MROH6: variants seen among roughly 807,000 people sequenced by gnomAD.
The protein encoded by MROH6 is maestro heat-like repeat-containing protein family member 6.
A neutral mutation model predicts 67.7 loss-of-function variants in MROH6; 62 were observed. The observed-to-expected ratio is 0.92, with a 90% confidence interval of 0.75 to 1.13. The LOEUF is 1.13. Among genes scored for constraint, MROH6 ranks in the 50% most tolerant of loss-of-function variants. The pLI, the probability that MROH6 is intolerant of heterozygous loss-of-function variation, is 0.00. For synonymous variants in MROH6, 566 were observed against 470.8 expected (o/e 1.20, Z -2.62); for missense variants, 1,175 against 1,029.1 (o/e 1.14, Z -1.94).
At position 143,571,699 on chromosome 8, in the gene MROH6, A is replaced by G; in HGVS notation, c.570T>C (p.Cys190=). ...CGGGCAGAGAGCGGGGTAGCAGCGC[A>G]CACACCACGTCCCGCGCATGCTCCA... ...LALEHARDVV[C]ALLPRSLPAD... The change falls in exon 3 of 14, where the codon TGT becomes TGC. Residue 190 remains cysteine (C), a synonymous_variant. Transcript: ENST00000398882. The G allele has an allele frequency of 1.3e-5, 20 of 1,552,258 alleles. No individual in the cohort carries two copies. The highest frequency in any genetic ancestry group is 1.7e-5 in the Non-Finnish European group (20 of 1,148,844).
intron 12 of MROH6, 31 bp downstream of exon 12, chr8:143,567,755 C>G (rs574434673): frequency 1.9e-6 from 3 of 1,570,258 alleles, no homozygotes; most frequent in Middle Eastern, 3.4e-4. Flanking sequence ...AGCCCCGGTG[C>G]CAGGGGCAGT....
chr8:143,572,334 C>G, intron 1 of MROH6, 87 bp downstream of exon 1: 1 of 1,481,560 alleles, frequency 6.7e-7, no homozygotes, highest in Non-Finnish European at 9.0e-7. Context: ...CCGGGGCCAG[C>G]ACCGCCCCCC....
At chr8:143,568,100 C>T (rs750061638) in intron 11 of MROH6, 42 bp downstream of exon 11, 8 of 1,558,706 alleles carry the variant, frequency 5.1e-6, no homozygotes, top group Non-Finnish European at 6.1e-6. Context: ...AAGTGGGCTG[C>T]TGATCATACC....
chr8:143,572,364 T>A (rs1030204878), intron 1 of MROH6, 57 bp downstream of exon 1: 12 of 1,466,034 alleles, frequency 8.2e-6, no homozygotes, highest in Non-Finnish European at 1.1e-5. Context: ...GCCTTCCACC[T>A]ACCATCCACA....
chr8:143,572,298 A>G, intron 1 of MROH6, 113 bp from the exon 2 acceptor site: 1 of 1,520,524 alleles, frequency 6.6e-7, no homozygotes, highest in Non-Finnish European at 8.9e-7. Context: ...TCTGTTGCTC[A>G]CCAGCCTGTT....
chr8:143,570,449 AC>A (rs773439504), intron 5 of MROH6, 23 bp downstream of exon 5: 1 of 1,326,652 alleles, frequency 7.5e-7, no homozygotes, highest in South Asian at 1.6e-5. Context: ...GGCCCGCCCC[AC>A]GTAACCTGGT....
chr8:143,567,847 C>T lies in MROH6; in HGVS notation c.1806G>A (p.Gln602=), dbSNP rs752585635. The change falls in exon 12 of 14, where the codon CAG becomes CAA. Residue 602 remains glutamine (Q), a synonymous_variant. Coordinates refer to ENST00000398882, the MANE Select transcript of MROH6 (RefSeq NM_001100878.2). ...YPGHVPNFLS[Q]TQGYLRSPQD... ...GTGGACTCCGCAGGTAGCCCTGGGT[C>T]TGGCTCAGGAAGTTGGGCACGTGGC... 13 of 1,531,418 alleles carry T rather than the reference C, an allele frequency of 8.5e-6. No homozygotes were observed. The South Asian group carries it at 1.7e-4, about 20-fold the overall frequency. The allele number at this position is 1,531,418 out of a possible 1,614,324, so 94.9% of individuals were successfully genotyped here.
In MROH6 at chr8:143,571,814, G is replaced by A; in HGVS notation, c.455C>T (p.Ala152Val). Residue 152 changes from alanine to valine, a missense_variant, in exon 3 of 14, where the codon GCT becomes GTT. Coordinates refer to ENST00000398882, the MANE Select transcript of MROH6 (RefSeq NM_001100878.2). ...CTGCGCCAGCAGCCCACGCACCAGA[G>A]CATGCACCTGGTGGGGAAGGGGGCA... ...RGERLEDQVH[A>V]LVRGLLAQVP... The A allele has an allele frequency of 6.5e-7, 1 of 1,543,590 alleles. No homozygotes were observed. The highest frequency in any genetic ancestry group is 8.7e-7 in the Non-Finnish European group (1 of 1,145,404).
In MROH6 at chr8:143,570,907, AC is replaced by A. The variant is rs1385880909; in HGVS notation, c.689del (p.Gly230ValfsTer79). 2.0e-6 allele frequency: 3 copies of A among 1,501,318 alleles called. No homozygotes were observed. The highest frequency in any genetic ancestry group is 2.4e-5 in the South Asian group (2 of 82,904). 93.0% of individuals were successfully genotyped at this position (1,501,318 alleles called of 1,614,324 possible). A position where few individuals can be genotyped will look rare whatever the true frequency, so the allele number is the denominator to read the frequency against. ...VLVQLLWALK[G>X]ASGPEPQALA... The stretch of plus-strand genomic sequence containing the variant: ...GTGCCTGGGGCTCCGGCCCCGAAGC[AC>A]CCTTCAGCGCCCACAGCAGTTGCAC... On this transcript the variant is annotated frameshift_variant, in exon 4 of 14. Coordinates refer to ENST00000398882, the MANE Select transcript of MROH6 (RefSeq NM_001100878.2). LOFTEE classifies it high-confidence loss of function.
At chr8:143,567,765 T>A (rs775425634) in intron 12 of MROH6, 21 bp downstream of exon 12, 4 of 1,567,966 alleles carry the variant, frequency 2.6e-6, no homozygotes, top group Non-Finnish European at 3.5e-6. Flanking sequence ...CCAGGGGCAG[T>A]GTGACCCCGG....
In MROH6 at chr8:143,567,106, G is replaced by T. The variant is rs1823651649; in HGVS notation, c.*133C>A. The T allele has an allele frequency of 4.8e-6, 2 of 419,238 alleles. No individual in the cohort carries two copies. The highest frequency in any genetic ancestry group is 7.8e-6 in the Non-Finnish European group (2 of 255,728). 26.0% of individuals were successfully genotyped at this position (419,238 alleles called of 1,614,324 possible). ...GGTGGGTGCCTGAAGAGGGGTCACGGGGGTGGGGGGTGGGGGAGGGCATTG... is the reference window on the plus strand; with the variant it reads ...GGTGGGTGCCTGAAGAGGGGTCACGTGGGTGGGGGGTGGGGGAGGGCATTG... On this transcript the variant is annotated 3_prime_UTR_variant, in exon 14 of 14. Coordinates refer to ENST00000398882, the MANE Select transcript of MROH6 (RefSeq NM_001100878.2).
rs113705108 is a variant in MROH6 at position 143,569,979 on chromosome 8, C to G, written c.1130G>C (p.Arg377Pro). The change falls in exon 7 of 14, where the codon CGT becomes CCT. Residue 377 changes from arginine (R) to proline (P), a missense_variant. Coordinates refer to ENST00000398882, the MANE Select transcript of MROH6 (RefSeq NM_001100878.2). Reference sequence around the variant, plus strand: ...TGTGAAGAAGGCCATAGCCGTGAGACGCTGCGGGTCGTCCGCGCTGCGAAG... The same window carrying G: ...TGTGAAGAAGGCCATAGCCGTGAGAGGCTGCGGGTCGTCCGCGCTGCGAAG... ...PRLRSADDPQRLTAMAFFTGL... is the reference protein window; with the variant it reads ...PRLRSADDPQPLTAMAFFTGL... 7.3e-5 allele frequency: 118 copies of G among 1,610,892 alleles called. No homozygotes were observed. The African/African-American group carries it at 1.5e-3, about 20-fold the overall frequency.
rs1314374993 is a variant in MROH6 at position 143,568,406 on chromosome 8, CA to C, written c.1644+145del. ...GGATTGATTCTGCTCAAGGGAAGAG[CA>C]GTAGTAACCTGGCCGCCCGTCACAC... is the stretch of plus-strand genomic sequence containing the variant. On this transcript the variant is annotated intron_variant, in intron 10 of 13. Transcript: ENST00000398882. 22 of 1,424,394 alleles carry C rather than the reference CA, an allele frequency of 1.5e-5. No homozygotes were observed. The Admixed American group carries it at 5.3e-4, about 35-fold the overall frequency. 88.2% of individuals were successfully genotyped at this position (1,424,394 alleles called of 1,614,324 possible).
rs761877337 is a variant in MROH6 at position 143,568,247 on chromosome 8, G to A, written c.1659C>T (p.Thr553=). ...SRDAAESSEW[T]LARCDHAFCW... is the part of the protein sequence containing the mutation. ...AAAAGGCGTGGTCACAGCGGGCCAG[G>A]GTCCACTCTGAGCTCTGGGATAGGG... The change falls in exon 11 of 14, where the codon ACC becomes ACT. Residue 553 remains threonine (T), a synonymous_variant. Transcript: ENST00000398882. 3.1e-6 allele frequency: 5 copies of A among 1,609,516 alleles called. No homozygotes were observed. The highest frequency in any genetic ancestry group is 4.2e-6 in the Non-Finnish European group (5 of 1,178,470).
rs1823656959 is a variant in MROH6, at chr8:143,567,193, G to T, written c.*46C>A. 9.1e-7 allele frequency: 1 copy of T among 1,096,630 alleles called. No homozygotes were observed. Among genetic ancestry groups the T allele is most frequent in the Non-Finnish European group, 1.2e-6 (1 of 868,212 alleles). The allele number at this position is 1,096,630 out of a possible 1,614,324, so 67.9% of individuals were successfully genotyped here. Reference sequence around the variant, plus strand: ...GGCGGGGACAGGCTGCTATGCGCGTGGGGTGCCCGAGTCGGACCCTGGCCC... The same window carrying T: ...GGCGGGGACAGGCTGCTATGCGCGTTGGGTGCCCGAGTCGGACCCTGGCCC... On this transcript the variant is annotated 3_prime_UTR_variant, in exon 14 of 14. Transcript: ENST00000398882.
At position 143,572,694 on chromosome 8, in the gene MROH6, G is replaced by T. The variant is rs764211139; in HGVS notation, c.21C>A (p.Gly7=). The part of the protein sequence containing the change: MAGGVW[G]RSRAREAPVG... ...CGGGAGCCTCCCGGGCCCGGCTCCG[G>T]CCCCACACACCCCCAGCCATGGCGG... is the stretch of plus-strand genomic sequence containing the variant. The change falls in exon 1 of 14, where the codon GGC becomes GGA. Residue 7 remains glycine (G), a synonymous_variant. Transcript: ENST00000398882. The T allele has an allele frequency of 1.4e-5, 21 of 1,506,840 alleles. No homozygotes were observed. In the South Asian group the frequency reaches 2.4e-4, roughly 17 times the overall value. The allele number at this position is 1,506,840 out of a possible 1,614,324, so 93.3% of individuals were successfully genotyped here. A position where few individuals can be genotyped will look rare whatever the true frequency, so the allele number is the denominator to read the frequency against.
rs1021332185 is a variant in MROH6 at position 143,569,318 on chromosome 8, C to G, written c.1476+123G>C. ...GGAGGGAGAGACTGGAAGGGCGGGG[C>G]GGGGCCTGAGAGGGCGGGGCCTGGG... is the stretch of plus-strand genomic sequence containing the variant. On this transcript the variant is annotated intron_variant, in intron 9 of 13. Transcript: ENST00000398882. 10 of 550,608 alleles carry G rather than the reference C, an allele frequency of 1.8e-5. No homozygotes were observed. The South Asian group carries it at 2.7e-4, about 15-fold the overall frequency. 34.1% of individuals were successfully genotyped at this position (550,608 alleles called of 1,614,324 possible).
intron 1 of MROH6, 102 bp from the exon 2 acceptor site, chr8:143,572,287 C>T: frequency 6.5e-7 from 1 of 1,537,884 alleles, no homozygotes; most frequent in Admixed American, 1.9e-5. Context: ...TCCCTTGCTC[C>T]TCTGTTGCTC....
chr8:143,568,290 G>A, intron 10 of MROH6, 29 bp from the exon 11 acceptor site: 2 of 1,585,954 alleles, frequency 1.3e-6, no homozygotes, highest in Non-Finnish European at 1.7e-6. Flanking sequence ...GCCGGGTCAG[G>A]GGTCCAGGAA....
Sources: allele counts gnomAD v4.1 joint callset, GRCh38; gene constraint gnomAD v4.1.1; transcripts MANE v1.5; gene names NCBI Gene and HGNC (gene_info 2026-07-23, HGNC 2026-07-21).